TP63: variants seen among roughly 807,000 people sequenced by gnomAD.
TP63 encodes the protein tumor protein p63.
TP63 carries 17 observed loss-of-function variants against 82.8 expected under a neutral mutation model. The ratio of observed to expected loss-of-function variants is 0.21; its 90% CI spans 0.14 to 0.31. The LOEUF is 0.31. Among genes scored for constraint, TP63 ranks in the 10% least tolerant of loss-of-function variants. TP63 has a pLI of 1.00. For missense variants in TP63, 648 were observed against 895.3 expected (o/e 0.72, Z 3.52); for synonymous variants, 330 against 321.7 (o/e 1.03, Z -0.28).
upstream of TP63, among the ~76,000 whole-genome samples, chr3:189,630,554 G>A (rs141671364): frequency 2.0e-5 from 3 of 152,188 alleles, no homozygotes; most frequent in Non-Finnish European, 4.4e-5. Context: ...GAGTGGAGCC[G>A]ACTGAGAGAT....
chr3:189,745,781 T>C (rs573118371), intron 3 of TP63, among the ~76,000 whole-genome samples: 2 of 71,262 alleles, frequency 2.8e-5, no homozygotes, highest in African/African-American at 1.1e-4. Flanking sequence ...AAATCCAAAA[T>C]ACATTTGAAA....
chr3:189,810,871 A>AAAG (rs777674255), intron 4 of TP63, among the ~76,000 whole-genome samples: 3 of 151,926 alleles, frequency 2.0e-5, no homozygotes, highest in Non-Finnish European at 2.9e-5. Context: ...AAAAAAAAAA[A>AAAG]AAAATTAAAG....
At chr3:189,654,566 G>C (rs918110548) in intron 1 of TP63, among the ~76,000 whole-genome samples, 6 of 152,114 alleles carry the variant, frequency 3.9e-5, no homozygotes, top group African/African-American at 1.4e-4. Flanking sequence ...GAATCTTTGT[G>C]GTAGAGATGT....
intron 4 of TP63, chr3:189,829,856 GACCAATATA>G: frequency 2.9e-6 from 1 of 349,150 alleles, no homozygotes; most frequent in Non-Finnish European, 5.7e-6. Context: ...TTCATTACCA[GACCAATATA>G]ACCTTAATTT....
chr3:189,657,843 A>G (rs1035976991), intron 1 of TP63, among the ~76,000 whole-genome samples: 3 of 152,062 alleles, frequency 2.0e-5, no homozygotes, highest in East Asian at 1.9e-4. Context: ...CTACCAACTG[A>G]TGGCCTCGGA....
the TP63 span, among the ~76,000 whole-genome samples, chr3:189,618,883 TTCATTTAGCATTGA>T: frequency 1.2e-4 from 19 of 152,300 alleles, no homozygotes; most frequent in South Asian, 3.9e-3. Flanking sequence ...GAAATTTCTC[TTCATTTAGCATTGA>T]TCATCACTTT....
chr3:189,650,511 T>G (rs1263516108), intron 1 of TP63, among the ~76,000 whole-genome samples: 1 of 146,018 alleles, frequency 6.8e-6, no homozygotes, highest in Non-Finnish European at 1.5e-5. Flanking sequence ...CTCATGATAG[T>G]GAGTTCTTAT....
At chr3:189,737,567 A>G (rs766802028) in intron 1 of TP63, among the ~76,000 whole-genome samples, 173 bp from the exon 2 acceptor site, 2 of 152,332 alleles carry the variant, frequency 1.3e-5, no homozygotes, top group East Asian at 3.9e-4. Context: ...AATTGGATTC[A>G]TTACACTACC....
At chr3:189,863,125 C>CA (rs1717243610) in intron 4 of TP63, among the ~76,000 whole-genome samples, 1 of 152,192 alleles carries the variant, frequency 6.6e-6, no homozygotes, top group Non-Finnish European at 1.5e-5. Flanking sequence ...TCTGCCCCCC[C>CA]ACCATCTTTC....
chr3:189,611,643 G>GT, the TP63 span, among the ~76,000 whole-genome samples: 1 of 152,116 alleles, frequency 6.6e-6, no homozygotes, highest in South Asian at 2.1e-4. Flanking sequence ...TTTTAAAATA[G>GT]TTTTTTCTAC....
chr3:189,624,988 C>G, the TP63 span, among the ~76,000 whole-genome samples: 16 of 152,236 alleles, frequency 1.1e-4, no homozygotes, highest in African/African-American at 3.9e-4. Context: ...TCAACTTCCT[C>G]TTAGTTGGAC....
the TP63 span, among the ~76,000 whole-genome samples, chr3:189,597,435 A>G: frequency 6.6e-6 from 1 of 152,176 alleles, no homozygotes; most frequent in South Asian, 2.1e-4. Context: ...TACCAGAGGA[A>G]ATTTTAATCC....
chr3:189,834,643 G>A (rs1712854114), intron 4 of TP63, among the ~76,000 whole-genome samples: 1 of 152,164 alleles, frequency 6.6e-6, no homozygotes, highest in African/African-American at 2.4e-5. Context: ...CTTGGGCTGT[G>A]GGTTCCCAAA....
In TP63 at chr3:189,777,473, A is replaced by C. The variant is rs1028548011; in HGVS notation, c.325-30799A>C. On this transcript the variant is annotated intron_variant, in intron 3 of 13. Transcript: ENST00000264731. ...CCGTCTCCCAAAATGCTGGGATTAC[A>C]GGTGTGAGCCACCATGCCTGGCCTC... Among the ~76,000 whole-genome samples, 4 of 152,162 alleles carry C rather than the reference A, an allele frequency of 2.6e-5. No homozygotes were observed. The South Asian group carries it at 6.2e-4, about 24-fold the overall frequency.
intron 3 of TP63, among the ~76,000 whole-genome samples, chr3:189,782,424 A>G (rs1432367710): frequency 6.6e-6 from 1 of 152,192 alleles, no homozygotes; most frequent in Non-Finnish European, 1.5e-5. Context: ...AGGATATGGC[A>G]GTAAGTAGGG....
At chr3:189,749,153 A>C (rs1013534262) in intron 3 of TP63, among the ~76,000 whole-genome samples, 1 of 151,808 alleles carries the variant, frequency 6.6e-6, no homozygotes, top group Non-Finnish European at 1.5e-5. Context: ...AGAACAGACA[A>C]AAAAAAATAG....
At position 189,663,521 on chromosome 3, in the gene TP63, C is replaced by CTTTTTTTTT. The variant is rs397991949; in HGVS notation, c.62+31960_62+31968dup. Among the ~76,000 whole-genome samples the CTTTTTTTTT allele has an allele frequency of 1.2e-3, 102 of 84,546 alleles. 2 individuals are homozygous for CTTTTTTTTT. Among genetic ancestry groups the CTTTTTTTTT allele is most frequent in the South Asian group, 1.5e-3 (3 of 1,984 alleles). 55.5% of individuals were successfully genotyped at this position (84,546 alleles called of 152,430 possible). On this transcript the variant is annotated intron_variant, in intron 1 of 13. Transcript: ENST00000264731. ...ATTTAAGTGGCTTATTTCATTCATT[C>CTTTTTTTTT]TTTTTTTTTTTTTTTTTTTTTTTTG...
At chr3:189,872,804 C>G in intron 9 of TP63, 55 bp from the exon 10 acceptor site, 1 of 1,612,708 alleles carries the variant, frequency 6.2e-7, no homozygotes, top group African/African-American at 1.3e-5. Flanking sequence ...GACCACACTT[C>G]TAACAGTTCT....
At chr3:189,771,788 G>T (rs554740456) in intron 3 of TP63, among the ~76,000 whole-genome samples, 1 of 151,886 alleles carries the variant, frequency 6.6e-6, no homozygotes, top group Non-Finnish European at 1.5e-5. Context: ...TGCTAATGTC[G>T]GGTCAGTTCA....
Sources: gnomAD v4.1 joint callset for allele counts (sites outside exome capture counted in the v4.1 genomes callset) on GRCh38, gnomAD v4.1.1 for gene constraint, MANE v1.5 for transcripts, NCBI Gene and HGNC (gene_info 2026-07-23, HGNC 2026-07-21) for gene names.